Variants in CRELD1 observed in about 807,000 individuals in gnomAD.
The protein encoded by CRELD1 is protein disulfide isomerase CRELD1.
In CRELD1, 42 loss-of-function variants were observed where a neutral mutation model predicts 58.2. The ratio of observed to expected loss-of-function variants is 0.72; its 90% CI spans 0.56 to 0.93. CRELD1 has a LOEUF of 0.93. Among genes scored for constraint, CRELD1 ranks in the 40% least tolerant of loss-of-function variants. CRELD1 has a pLI of 0.00. For synonymous variants in CRELD1, 222 were observed against 202.0 expected (o/e 1.10, Z -0.84); for missense variants, 500 against 540.6 (o/e 0.92, Z 0.74).
intron 1 of CRELD1, 120 bp downstream of exon 1, chr3:9,934,040 A>C: frequency 3.1e-6 from 1 of 319,318 alleles, no homozygotes; most frequent in Non-Finnish European, 5.9e-6. Context: ...GGGGTTCCGG[A>C]CACCTCCCCC....
chr3:9,937,083 A>G (rs2085215732), intron 3 of CRELD1, among the ~76,000 whole-genome samples: 2 of 152,172 alleles, frequency 1.3e-5, no homozygotes. Flanking sequence ...CAGTAGTGGA[A>G]TTGGCAGGTC....
chr3:9,941,092 C>T lies in CRELD1; in HGVS notation c.638-19C>T. On this transcript the variant is annotated intron_variant, in intron 6 of 10. Transcript: ENST00000452070. ...GGGCACCTGCCTGCCCATCCTCATG[C>T]TGCCCCCATTCCACCCAGCTTGTTT... 2 of 1,614,170 alleles carry T rather than the reference C, an allele frequency of 1.2e-6. No homozygotes were observed. The highest frequency in any genetic ancestry group is 1.3e-5 in the African/African-American group (1 of 75,068).
chr3:9,935,782 T>A (rs1329563939), intron 3 of CRELD1: 1 of 151,398 alleles, frequency 6.6e-6, no homozygotes, highest in Admixed American at 6.6e-5. Context: ...CGAGAAGGTT[T>A]AGGGGAGGGG....
At position 9,935,125 on chromosome 3, in the gene CRELD1, T is replaced by C. The variant is rs2085140279; in HGVS notation, c.257+208T>C. ...AGAAGACAAGCAGTGAATGAGTAAG[T>C]GAATAATATTATGTCAGATGAAGAA... On this transcript the variant is annotated intron_variant, in intron 3 of 10. Transcript: ENST00000452070. 7.2e-6 allele frequency: 4 copies of C among 558,270 alleles called. No individual in the cohort carries two copies. In the South Asian group the frequency reaches 8.3e-5, roughly 12 times the overall value. 34.6% of individuals were successfully genotyped at this position (558,270 alleles called of 1,614,324 possible).
chr3:9,933,889 G>T lies in CRELD1; in HGVS notation c.-51G>T, dbSNP rs2085071637. On this transcript the variant is annotated 5_prime_UTR_variant, in exon 1 of 11. Coordinates refer to ENST00000452070, the MANE Select transcript of CRELD1 (RefSeq NM_001077415.3). Reference sequence around the variant, plus strand: ...GCCCACGGCGCCCGCGGGCTGGGGCGGTCGCTTCTTCCTTCTCCGTGGCCT... The same window carrying T: ...GCCCACGGCGCCCGCGGGCTGGGGCTGTCGCTTCTTCCTTCTCCGTGGCCT... 4.3e-6 allele frequency: 2 copies of T among 461,868 alleles called. No homozygotes were observed. Among genetic ancestry groups the T allele is most frequent in the East Asian group, 4.3e-5 (1 of 23,372 alleles). The allele number at this position is 461,868 out of a possible 1,614,324, so 28.6% of individuals were successfully genotyped here.
intron 10 of CRELD1, 150 bp from the exon 11 acceptor site, chr3:9,944,215 G>T (rs1323695366): frequency 3.7e-6 from 3 of 809,822 alleles, no homozygotes; most frequent in East Asian, 2.4e-5. Context: ...CCCCTTGCAG[G>T]GTGGTTTTGA....
chr3:9,942,705 T>G (rs2085401995), intron 7 of CRELD1, 108 bp from the exon 8 acceptor site: 4 of 878,450 alleles, frequency 4.6e-6, no homozygotes, highest in Non-Finnish European at 7.7e-6. Flanking sequence ...CAGCTTGCAG[T>G]CTCTGCCATA....
At chr3:9,938,348 G>C in intron 5 of CRELD1, 2 of 518,500 alleles carry the variant, frequency 3.9e-6, no homozygotes, top group Non-Finnish European at 7.0e-6. Context: ...CTAAAGAAAT[G>C]ATAGACTTCC....
rs1407985714 is a variant in CRELD1 at position 9,943,776 on chromosome 3, GA to G, written c.1048+262del. The G allele has an allele frequency of 1.9e-6, 3 of 1,604,946 alleles. No homozygotes were observed. In the East Asian group the frequency reaches 6.7e-5, roughly 36 times the overall value. ...ACCTGTTTCCTCATCTATCCAATGG[GA>G]CCAGTGTTTGCCCTGGCCTGCTGAG... is the stretch of plus-strand genomic sequence containing the variant. On this transcript the variant is annotated intron_variant, in intron 10 of 10. Transcript: ENST00000452070.
intron 7 of CRELD1, 50 bp from the exon 8 acceptor site, chr3:9,942,763 T>G (rs1440118964): frequency 7.0e-7 from 1 of 1,433,722 alleles, no homozygotes; most frequent in Non-Finnish European, 9.8e-7. Context: ...TGGCTTCAGC[T>G]TCCCTACTAA....
chr3:9,934,548 C>CT lies in CRELD1; in HGVS notation c.112dup (p.Ser38PhefsTer17). On this transcript the variant is annotated frameshift_variant, in exon 2 of 11. Transcript: ENST00000452070. LOFTEE classifies it high-confidence loss of function. ...CTCCAGCCCTCTCCACCTCCCCAGT[C>CT]TTCTCCCCCGCCTCAGCCCCATCCG... 6.2e-7 allele frequency: 1 copy of CT among 1,614,128 alleles called. No homozygotes were observed. Among genetic ancestry groups the CT allele is most frequent in the Non-Finnish European group, 8.5e-7 (1 of 1,180,016 alleles).
intron 4 of CRELD1, 70 bp downstream of exon 4, chr3:9,937,742 G>A (rs551940468): frequency 2.9e-5 from 32 of 1,114,140 alleles, no homozygotes; most frequent in Non-Finnish European, 1.7e-5. Context: ...TGATTTGGCC[G>A]AGAAGCAGGG....
chr3:9,936,736 CG>C (rs755827045), intron 3 of CRELD1, among the ~76,000 whole-genome samples: 2 of 152,064 alleles, frequency 1.3e-5, no homozygotes, highest in Non-Finnish European at 2.9e-5. Flanking sequence ...CCCCTTCCCT[CG>C]GCTCTTGGCA....
intron 5 of CRELD1, among the ~76,000 whole-genome samples, chr3:9,939,967 C>T (rs572912390): frequency 1.3e-5 from 2 of 151,638 alleles, no homozygotes; most frequent in Non-Finnish European, 2.9e-5. Flanking sequence ...GGGGGCTGAC[C>T]CCCTCACCTC....
rs1357020728 is a variant in CRELD1, at chr3:9,940,867, G to C, written c.478G>C (p.Glu160Gln). The change falls in exon 6 of 11, where the codon GAG becomes CAG. Residue 160 changes from glutamate (E) to glutamine (Q), a missense_variant. Glu to Gln is a conservative substitution (Grantham distance 29). Transcript: ENST00000452070. ...PSCLPCPGGT[E>Q]RPCGGYGQCE... Reference sequence around the variant, plus strand: ...TCCCACAGCCTGTCCTGGGGGAACAGAGAGGCCCTGCGGTGGCTACGGGCA... The same window carrying C: ...TCCCACAGCCTGTCCTGGGGGAACACAGAGGCCCTGCGGTGGCTACGGGCA... 2 of 1,613,558 alleles carry C rather than the reference G, an allele frequency of 1.2e-6. No homozygotes were observed. The highest frequency in any genetic ancestry group is 2.2e-5 in the South Asian group (2 of 91,032).
At chr3:9,940,384 C>T (rs1198420503) in intron 5 of CRELD1, among the ~76,000 whole-genome samples, 1 of 152,128 alleles carries the variant, frequency 6.6e-6, no homozygotes, top group Non-Finnish European at 1.5e-5. Context: ...CACCATTGAG[C>T]ACTGAGTGAA....
chr3:9,936,463 GTATATATATGTGTGTGTGTA>G (rs979499018), intron 3 of CRELD1, among the ~76,000 whole-genome samples: 2 of 151,168 alleles, frequency 1.3e-5, no homozygotes, highest in Non-Finnish European at 2.9e-5. Context: ...ATATATGTGT[GTATATATATGTGTGTGTGTA>G]TATATATATG....
Position 9,940,969 on chromosome 3 carries a change from C to T in CRELD1, c.580C>T (p.Gln194Ter), listed in dbSNP as rs1350339342. Residue 194 changes from glutamine (Q) to a stop codon, truncating the protein, a stop_gained, in exon 6 of 11, where the codon CAG (glutamine) becomes TAG (stop). Coordinates refer to ENST00000452070, the MANE Select transcript of CRELD1 (RefSeq NM_001077415.3). LOFTEE classifies it high-confidence loss of function. ...QAGYGGEACG[Q>*]CGLGYFEAER... ...CGGCTACGGGGGTGAGGCCTGTGGC[C>T]AGTGTGGCCTTGGCTACTTTGAGGC... 6.2e-7 allele frequency: 1 copy of T among 1,614,130 alleles called. No homozygotes were observed. Among genetic ancestry groups the T allele is most frequent in the East Asian group, 2.2e-5 (1 of 44,864 alleles).
intron 7 of CRELD1, among the ~76,000 whole-genome samples, chr3:9,941,678 T>A (rs939372141): frequency 6.7e-6 from 1 of 149,252 alleles, no homozygotes; most frequent in Non-Finnish European, 1.5e-5. Context: ...TAGTCCCAGC[T>A]ACTCAGGAGG....
Sources: gnomAD v4.1 joint callset for allele counts (sites outside exome capture counted in the v4.1 genomes callset) on GRCh38, gnomAD v4.1.1 for gene constraint, MANE v1.5 for transcripts, NCBI Gene and HGNC (gene_info 2026-07-23, HGNC 2026-07-21) for gene names.